Variants in SCAI observed in about 807,000 individuals in gnomAD.
SCAI encodes the protein suppressor of cancer cell invasion, also known as protein SCAI.
SCAI carries 24 observed loss-of-function variants against 92.2 expected under a neutral mutation model. That is an observed-to-expected ratio of 0.26 (90% CI 0.19 to 0.37). The LOEUF (loss-of-function observed/expected upper bound fraction) is 0.37. Ranked by LOEUF, SCAI falls within the 10% of genes least tolerant of loss-of-function variation. The pLI is 1.00. For synonymous variants in SCAI, 261 were observed against 258.6 expected, an observed-to-expected ratio of 1.01 and a Z score of -0.09; for missense variants, 450 against 736.2, an observed-to-expected ratio of 0.61 and a Z score of 4.50.
intron 1 of SCAI, among the ~76,000 whole-genome samples, chr9:125,143,095 T>G (rs1835707770): frequency 2.5e-5 from 3 of 119,762 alleles, no homozygotes; most frequent in Admixed American, 9.0e-5. Flanking sequence ...GACCCCCGCA[T>G]TCCACGGCCC....
chr9:125,083,517 CAAA>C (rs560240303), intron 2 of SCAI, among the ~76,000 whole-genome samples: 2 of 49,122 alleles, frequency 4.1e-5, no homozygotes, highest in African/African-American at 7.0e-5. Flanking sequence ...GACTCCATCT[CAAA>C]AAAAAAAAAA....
intron 6 of SCAI, among the ~76,000 whole-genome samples, chr9:125,021,522 C>T (rs933809436): frequency 8.5e-5 from 13 of 152,162 alleles, no homozygotes; most frequent in Non-Finnish European, 1.6e-4. Context: ...GGAGTAACAA[C>T]GTGCATCCTT....
intron 2 of SCAI, among the ~76,000 whole-genome samples, chr9:125,087,542 T>G (rs1834345980): frequency 6.6e-6 from 1 of 152,090 alleles, no homozygotes; most frequent in Non-Finnish European, 1.5e-5. Context: ...ACAGACACAG[T>G]AGAAAAGAGA....
rs746556314 is a variant in SCAI at position 125,028,496 on chromosome 9, C to G, written c.327-18G>C. 11 of 1,411,934 alleles carry G rather than the reference C, an allele frequency of 7.8e-6. No individual in the cohort carries two copies. Among genetic ancestry groups the G allele is most frequent in the Non-Finnish European group, 1.1e-5 (11 of 1,045,048 alleles). 87.5% of individuals were successfully genotyped at this position (1,411,934 alleles called of 1,614,324 possible). On this transcript the variant is annotated intron_variant, in intron 4 of 17. Coordinates refer to ENST00000336505, the MANE Select transcript of SCAI (RefSeq NM_001144877.3). ...AGACTTGTCTGTTTTATATAGGATA[C>G]AAGAAAATAGAAATGAGTCTATAAA...
intron 14 of SCAI, among the ~76,000 whole-genome samples, chr9:124,992,035 C>T (rs1832139814): frequency 6.6e-6 from 1 of 152,150 alleles, no homozygotes. Context: ...CCTGCCTCAG[C>T]TTCCTGAAGT....
At chr9:125,088,698 G>C (rs894693892) in intron 2 of SCAI, among the ~76,000 whole-genome samples, 8 of 152,222 alleles carry the variant, frequency 5.3e-5, no homozygotes, top group African/African-American at 1.9e-4. Context: ...TGCTGGTCTT[G>C]AACTCATGGG....
chr9:125,037,595 T>C (rs972716528), intron 3 of SCAI, among the ~76,000 whole-genome samples: 6 of 152,152 alleles, frequency 3.9e-5, no homozygotes, highest in Non-Finnish European at 8.8e-5. Context: ...TGTCTAAGAC[T>C]ATTAGTGATC....
Position 125,122,953 on chromosome 9 carries a change from T to C in SCAI, c.98+19680A>G, listed in dbSNP as rs114500550. On this transcript the variant is annotated intron_variant, in intron 2 of 17. Coordinates refer to ENST00000336505, the MANE Select transcript of SCAI (RefSeq NM_001144877.3). ...ATTTTAAAAACCTGTTTTGGACATATAGATGCATATTCCTATTTTATACAA... is the reference window on the plus strand; with the variant it reads ...ATTTTAAAAACCTGTTTTGGACATACAGATGCATATTCCTATTTTATACAA... 8.1e-3 allele frequency among the ~76,000 whole-genome samples: 1,239 copies of C among 152,312 alleles called. 21 individuals carry two copies. Among genetic ancestry groups the C allele is most frequent in the African/African-American group, 0.028 (1,161 of 41,566 alleles).
chr9:125,111,492 G>T (rs1426116508), intron 2 of SCAI, among the ~76,000 whole-genome samples: 1 of 152,126 alleles, frequency 6.6e-6, no homozygotes, highest in African/African-American at 2.4e-5. Flanking sequence ...ACCCAGGATG[G>T]CTTTGAATGT....
chr9:125,013,506 A>G (rs1182320402), intron 9 of SCAI, among the ~76,000 whole-genome samples: 1 of 152,238 alleles, frequency 6.6e-6, no homozygotes, highest in Non-Finnish European at 1.5e-5. Context: ...TGAATAGACC[A>G]GTAACAGGCT....
chr9:124,997,489 C>T (rs1047383030), intron 13 of SCAI, among the ~76,000 whole-genome samples: 1 of 152,132 alleles, frequency 6.6e-6, no homozygotes, highest in African/African-American at 2.4e-5. Context: ...TTAGACCAGT[C>T]CAGTTTTCTT....
intron 14 of SCAI, 132 bp downstream of exon 14, chr9:124,994,802 A>T (rs2131621020): frequency 1.9e-6 from 1 of 530,622 alleles, no homozygotes; most frequent in East Asian, 3.2e-5. Flanking sequence ...ACCTCAAAAG[A>T]AAAGAAACAC....
intron 3 of SCAI, among the ~76,000 whole-genome samples, chr9:125,032,543 C>T (rs1033448901): frequency 2.0e-5 from 3 of 151,326 alleles, no homozygotes; most frequent in African/African-American, 7.3e-5. Flanking sequence ...TTGGTGTCAC[C>T]CACCTCGCTG....
intron 2 of SCAI, among the ~76,000 whole-genome samples, chr9:125,115,507 T>C (rs961228357): frequency 2.0e-5 from 3 of 151,980 alleles, no homozygotes; most frequent in Non-Finnish European, 2.9e-5. Context: ...GACATAGTCA[T>C]GTAACTGAAT....
chr9:124,978,918 C>T (rs1244272975), intron 14 of SCAI, among the ~76,000 whole-genome samples: 1 of 151,810 alleles, frequency 6.6e-6, no homozygotes, highest in African/African-American at 2.4e-5. Context: ...TGGAGTGCAA[C>T]CTCCACCTCT....
At chr9:125,050,194 A>T (rs1030636242) in intron 3 of SCAI, among the ~76,000 whole-genome samples, 1 of 152,260 alleles carries the variant, frequency 6.6e-6, no homozygotes, top group Non-Finnish European at 1.5e-5. Flanking sequence ...CCAAATGCCA[A>T]TGCTGGTCCA....
At chr9:124,952,976 G>A (rs767771997) in intron 17 of SCAI, 23 bp from the exon 18 acceptor site, 3 of 1,610,080 alleles carry the variant, frequency 1.9e-6, no homozygotes, top group Non-Finnish European at 8.5e-7. Flanking sequence ...GAAGAGAAAA[G>A]TCAAGTTTTG....
chr9:125,139,442 C>T (rs1231642732), intron 2 of SCAI, among the ~76,000 whole-genome samples: 2 of 151,894 alleles, frequency 1.3e-5, no homozygotes, highest in African/African-American at 4.8e-5. Context: ...CAACAAAAAC[C>T]CTAAAAACAA....
At chr9:125,113,663 A>ATTTT (rs36106766) in intron 2 of SCAI, among the ~76,000 whole-genome samples, 3 of 135,312 alleles carry the variant, frequency 2.2e-5, no homozygotes, top group East Asian at 2.2e-4. Context: ...AAGTATAAAG[A>ATTTT]TTTTTTTTTT....
Sources: gnomAD v4.1 joint callset for allele counts (sites outside exome capture counted in the v4.1 genomes callset) on GRCh38, gnomAD v4.1.1 for gene constraint, MANE v1.5 for transcripts, NCBI Gene and HGNC (gene_info 2026-07-23, HGNC 2026-07-21) for gene names.